The following PCDHGB5 variants were observed in gnomAD, a reference collection of about 807,000 sequenced individuals.
PCDHGB5 encodes the protein protocadherin gamma-B5.
A neutral mutation model predicts 62.9 loss-of-function variants in PCDHGB5; 48 were observed. The observed-to-expected ratio is 0.76, with a 90% confidence interval of 0.61 to 0.97. PCDHGB5 has a LOEUF of 0.97. PCDHGB5 is among the 50% of genes least tolerant of loss of function. PCDHGB5 has a pLI of 0.00. For missense variants in PCDHGB5, 1,118 were observed against 1,198.6 expected (o/e 0.93, Z 0.99); for synonymous variants, 474 against 511.2 (o/e 0.93, Z 0.98).
At chr5:141,428,616 G>A (rs2097151212) in intron 1 of PCDHGB5, 1 of 207,844 alleles carries the variant, frequency 4.8e-6, no homozygotes, top group Admixed American at 5.3e-5. Flanking sequence ...AGAATAACAA[G>A]ATAAGCTCTA....
chr5:141,441,656 C>A, intron 1 of PCDHGB5: 1 of 247,684 alleles, frequency 4.0e-6, no homozygotes, highest in Non-Finnish European at 8.1e-6. Flanking sequence ...TCTAGGTGTC[C>A]TTGAGCGCAC....
chr5:141,414,351 G>A (rs771256149), intron 1 of PCDHGB5: 16 of 1,613,676 alleles, frequency 9.9e-6, no homozygotes, highest in South Asian at 6.6e-5. Flanking sequence ...CCATTTTGGC[G>A]TATCTACCAT....
chr5:141,475,628 C>T (rs2099366226), intron 1 of PCDHGB5, among the ~76,000 whole-genome samples: 1 of 152,116 alleles, frequency 6.6e-6, no homozygotes. Context: ...TTGGTTCGAT[C>T]CCCTTTCTTG....
intron 1 of PCDHGB5, chr5:141,410,641 T>G: frequency 6.3e-7 from 1 of 1,599,146 alleles, no homozygotes. Context: ...CTTTTTTGTG[T>G]GTGATTTATC....
rs1562129544 is a variant in PCDHGB5 at position 141,489,362 on chromosome 5, C to G, written c.2398-5445C>G. ...TACTCAGTGGTGGAGGAGTCTGAGC[C>G]GGGGACGCTGGTGGGGAATGTTGCT... On this transcript the variant is annotated intron_variant, in intron 1 of 3. Transcript: ENST00000617380. This position sits in a 1 kb window ranked among gnomAD's most constrained non-coding sequence, Gnocchi z 4.5. 6.2e-7 allele frequency: 1 copy of G among 1,613,052 alleles called. No individual in the cohort carries two copies. Among genetic ancestry groups the G allele is most frequent in the Non-Finnish European group, 8.5e-7 (1 of 1,179,268 alleles).
chr5:141,506,109 A>G (rs1027886504), intron 3 of PCDHGB5, among the ~76,000 whole-genome samples: 5 of 152,126 alleles, frequency 3.3e-5, no homozygotes, highest in Middle Eastern at 3.2e-3. Flanking sequence ...GTCCCTGAAG[A>G]GTCACTAGGG....
Position 141,447,048 on chromosome 5 carries a change from A to G in PCDHGB5, c.2397+46524A>G, listed in dbSNP as rs149112101. Among the ~76,000 whole-genome samples, 216 of 152,182 alleles carry G rather than the reference A, an allele frequency of 1.4e-3. 1 individual carries two copies. Among genetic ancestry groups the G allele is most frequent in the African/African-American group, 4.8e-3 (198 of 41,512 alleles). On this transcript the variant is annotated intron_variant, in intron 1 of 3. Transcript: ENST00000617380. ...GTTTTTTTTCTGTGTCTGGAATTCT[A>G]TTAAAATGTGTCAGGCTGTTTTAAT...
intron 1 of PCDHGB5, among the ~76,000 whole-genome samples, chr5:141,420,686 C>T (rs781004859): frequency 1.3e-4 from 20 of 152,258 alleles, no homozygotes; most frequent in Admixed American, 4.6e-4. Context: ...TTATCGGGAC[C>T]GTATTATTTC....
intron 1 of PCDHGB5, chr5:141,417,186 C>A (rs2154546857): frequency 6.6e-6 from 1 of 152,258 alleles, no homozygotes; most frequent in Admixed American, 6.5e-5. Context: ...GGAATTATTA[C>A]TTTCTGGGTG....
At chr5:141,444,205 CTT>C in intron 1 of PCDHGB5, among the ~76,000 whole-genome samples, 1 of 77,932 alleles carries the variant, frequency 1.3e-5, no homozygotes. Context: ...GAGTTTCACT[CTT>C]GTTGCCCAGG....
chr5:141,405,326 T>C (rs764056952), intron 1 of PCDHGB5: 2 of 1,614,220 alleles, frequency 1.2e-6, no homozygotes, highest in South Asian at 2.2e-5. Context: ...TGAGCCTTTG[T>C]GCGTCTCTGT....
intron 1 of PCDHGB5, among the ~76,000 whole-genome samples, chr5:141,480,615 AT>A (rs1279544819): frequency 2.0e-5 from 3 of 152,218 alleles, no homozygotes; most frequent in African/African-American, 7.2e-5. Context: ...AGCAACTGGC[AT>A]TTTCCCTAGA....
Position 141,489,934 on chromosome 5 carries a change from G to A in PCDHGB5, c.2398-4873G>A, listed in dbSNP as rs777780708. 1.7e-5 allele frequency: 28 copies of A among 1,614,176 alleles called. No homozygotes were observed. Among genetic ancestry groups the A allele is most frequent in the East Asian group, 6.7e-5 (3 of 44,876 alleles). On this transcript the variant is annotated intron_variant, in intron 1 of 3. Coordinates refer to ENST00000617380, the MANE Select transcript of PCDHGB5 (RefSeq NM_018925.3). This position sits in a 1 kb window ranked among gnomAD's most constrained non-coding sequence, Gnocchi z 4.5. ...AGGGACCACCCTTATCTCTGTCATCGTGCTGGACATCAATGATAATGCTCC... is the reference window on the plus strand; with the variant it reads ...AGGGACCACCCTTATCTCTGTCATCATGCTGGACATCAATGATAATGCTCC...
At position 141,487,892 on chromosome 5, in the gene PCDHGB5, T is replaced by C; in HGVS notation, c.2398-6915T>C. The C allele has an allele frequency of 2.7e-6, 2 of 731,410 alleles. No individual in the cohort carries two copies. The highest frequency in any genetic ancestry group is 4.4e-6 in the Non-Finnish European group (2 of 450,094). 45.3% of individuals were successfully genotyped at this position (731,410 alleles called of 1,614,324 possible). On this transcript the variant is annotated intron_variant, in intron 1 of 3. Coordinates refer to ENST00000617380, the MANE Select transcript of PCDHGB5 (RefSeq NM_018925.3). This position sits in a 1 kb window ranked among gnomAD's most constrained non-coding sequence, Gnocchi z 5.0. ...GAGCCAGGCTGTTGTGGAAGCATGA[T>C]GATGGAATGTGGGAGCACAGGAGGC...
chr5:141,410,774 C>G, intron 1 of PCDHGB5: 4 of 955,126 alleles, frequency 4.2e-6, no homozygotes, highest in Non-Finnish European at 5.8e-6. Context: ...ATAGTTTTCA[C>G]TATGTATTTG....
chr5:141,464,517 G>A lies in PCDHGB5; in HGVS notation c.2398-30290G>A, dbSNP rs1487703873. 2.0e-5 allele frequency among the ~76,000 whole-genome samples: 3 copies of A among 151,862 alleles called. No individual in the cohort carries two copies. In the South Asian group the frequency reaches 6.2e-4, roughly 32 times the overall value. On this transcript the variant is annotated intron_variant, in intron 1 of 3. Transcript: ENST00000617380. ...GTGATTGCTGCATCATAAGGTAAAG[G>A]CATATGTAGTTTTGTTAAATATAGC...
rs1237333371 is a variant in PCDHGB5, at chr5:141,399,635, T to C, written c.1508T>C (p.Met503Thr). 6.2e-7 allele frequency: 1 copy of C among 1,613,746 alleles called. No individual in the cohort carries two copies. Among genetic ancestry groups the C allele is most frequent in the Admixed American group, 1.7e-5 (1 of 60,000 alleles). ...CTGGCACTGGCCTCTTACGTGTCCA[T>C]GAGCGCGCAAAGTGGGGTGGTGTTC... Reference protein sequence around the residue: ...EPLALASYVSMSAQSGVVFAQ... With the variant: ...EPLALASYVSTSAQSGVVFAQ... The change falls in exon 1 of 4, where the codon ATG becomes ACG. Residue 503 changes from methionine (M) to threonine (T), a missense_variant. Met to Thr is a moderately conservative substitution (Grantham distance 81). Around this residue, in one of 2 missense-constraint regions of PCDHGB5, gnomAD observed 1,034 missense variants for 1,029.1 expected, o/e 1.00. Transcript: ENST00000617380.
intron 1 of PCDHGB5, chr5:141,418,454 A>G (rs1211470387): frequency 3.1e-6 from 5 of 1,613,774 alleles, no homozygotes; most frequent in Non-Finnish European, 3.4e-6. Flanking sequence ...ATTGCAGAAG[A>G]CTCTGGACCG....
intron 1 of PCDHGB5, chr5:141,442,020 A>G (rs1461958612): frequency 4.6e-6 from 1 of 219,170 alleles, no homozygotes; most frequent in South Asian, 5.2e-5. Context: ...GATGGGCCAC[A>G]GGAAAGCGAC....
Sources: allele counts gnomAD v4.1 joint callset (sites outside exome capture counted in the v4.1 genomes callset), GRCh38; gene constraint gnomAD v4.1.1; regional missense constraint gnomAD v4.1.1; non-coding constraint Gnocchi (gnomAD v3.1); transcripts MANE v1.5; gene names NCBI Gene and HGNC (gene_info 2026-07-23, HGNC 2026-07-21).